SWAP70: variants seen among roughly 807,000 people sequenced by gnomAD.
SWAP70 encodes the protein switch-associated protein 70.
In SWAP70, 34 loss-of-function variants were observed where a neutral mutation model predicts 80.2. That is an observed-to-expected ratio of 0.42 (90% confidence interval 0.32 to 0.56). SWAP70 has a LOEUF of 0.56. Among genes scored for constraint, SWAP70 ranks in the 20% least tolerant of loss-of-function variants. SWAP70 has a pLI of 0.09. For missense variants in SWAP70, 578 were observed against 690.7 expected (o/e 0.84, Z 1.83); for synonymous variants, 239 against 238.5 (o/e 1.00, Z -0.02).
At position 9,752,520 on chromosome 11, in the gene SWAP70, A is replaced by G. The variant is rs967399725; in HGVS notation, c.*2550A>G. On this transcript the variant is annotated 3_prime_UTR_variant, in exon 12 of 12. Transcript: ENST00000318950. ...AAACAGTGCTTTGGCTAAGATAGATACTTGTGAATCAAAGATAGCACAGAA... is the reference window on the plus strand; with the variant it reads ...AAACAGTGCTTTGGCTAAGATAGATGCTTGTGAATCAAAGATAGCACAGAA... 2 of 152,386 alleles carry G rather than the reference A, an allele frequency of 1.3e-5. No homozygotes were observed. The highest frequency in any genetic ancestry group is 1.3e-4 in the Admixed American group (2 of 15,308). The allele number at this position is 152,386 out of a possible 1,614,324, so 9.4% of individuals were successfully genotyped here. A position where few individuals can be genotyped will look rare whatever the true frequency, so the allele number is the denominator to read the frequency against.
chr11:9,673,984 C>G (rs1230471530), intron 1 of SWAP70, among the ~76,000 whole-genome samples: 2 of 152,204 alleles, frequency 1.3e-5, no homozygotes, highest in East Asian at 3.8e-4. Flanking sequence ...ACTGCAACCT[C>G]TGCCTCCTGG....
intron 2 of SWAP70, among the ~76,000 whole-genome samples, chr11:9,708,351 G>A (rs897971580): frequency 7.9e-5 from 12 of 152,148 alleles, no homozygotes; most frequent in Admixed American, 2.6e-4. Context: ...ACAGGTGTGA[G>A]GTGATATCAC....
intron 1 of SWAP70, among the ~76,000 whole-genome samples, chr11:9,685,248 C>A (rs1256786313): frequency 1.3e-5 from 2 of 151,902 alleles, no homozygotes; most frequent in Non-Finnish European, 2.9e-5. Context: ...TTGTGGGTGG[C>A]TCAGAGGAGT....
chr11:9,703,517 A>G (rs1483515245), intron 2 of SWAP70: 1 of 456,056 alleles, frequency 2.2e-6, no homozygotes, highest in Non-Finnish European at 4.4e-6. Context: ...CTTGATTGTC[A>G]CTTCCTCAGG....
chr11:9,674,215 T>G (rs1185286768), intron 1 of SWAP70, among the ~76,000 whole-genome samples: 1 of 152,164 alleles, frequency 6.6e-6, no homozygotes, highest in Non-Finnish European at 1.5e-5. Flanking sequence ...TTCTGTTTTC[T>G]GAGACCTGCT....
chr11:9,703,240 G>A (rs963217131), intron 2 of SWAP70, among the ~76,000 whole-genome samples: 2 of 152,120 alleles, frequency 1.3e-5, no homozygotes, highest in African/African-American at 2.4e-5. Context: ...GTTCATCCAC[G>A]TTGTATCCTA....
At chr11:9,682,969 C>T (rs968303469) in intron 1 of SWAP70, among the ~76,000 whole-genome samples, 1 of 152,184 alleles carries the variant, frequency 6.6e-6, no homozygotes, top group Non-Finnish European at 1.5e-5. Context: ...AGCCACTGTG[C>T]CTGGTCAAAA....
intron 7 of SWAP70, among the ~76,000 whole-genome samples, chr11:9,736,616 C>T (rs1362738298): frequency 6.6e-6 from 1 of 152,060 alleles, no homozygotes; most frequent in Non-Finnish European, 1.5e-5. Flanking sequence ...CTCAGAGGCA[C>T]AGGCTTGGAC....
intron 7 of SWAP70, among the ~76,000 whole-genome samples, chr11:9,734,766 G>A (rs1431183296): frequency 6.6e-6 from 1 of 152,084 alleles, no homozygotes; most frequent in African/African-American, 2.4e-5. Flanking sequence ...GGGACTACAG[G>A]TGTGCACCAC....
At chr11:9,691,702 A>G (rs1357517093) in intron 1 of SWAP70, among the ~76,000 whole-genome samples, 1 of 152,228 alleles carries the variant, frequency 6.6e-6, no homozygotes, top group Non-Finnish European at 1.5e-5. Context: ...AGTTCTTCTC[A>G]GTAACTTTAG....
chr11:9,687,040 A>AT (rs1445253233), intron 1 of SWAP70, among the ~76,000 whole-genome samples: 2 of 152,300 alleles, frequency 1.3e-5, no homozygotes, highest in East Asian at 3.9e-4. Context: ...CATTCTTTTG[A>AT]TTACTAGCAA....
At chr11:9,727,061 T>G in intron 4 of SWAP70, 1 of 430,782 alleles carries the variant, frequency 2.3e-6, no homozygotes, top group Non-Finnish European at 4.6e-6. Context: ...CCTCAGTCAT[T>G]TAACATTTTC....
intron 11 of SWAP70, among the ~76,000 whole-genome samples, chr11:9,749,488 C>T (rs891475455): frequency 3.9e-5 from 6 of 152,156 alleles, no homozygotes; most frequent in African/African-American, 7.2e-5. Context: ...CCTCGTGATC[C>T]GCCCGCCTCA....
chr11:9,692,219 T>A (rs1160884446), intron 1 of SWAP70, among the ~76,000 whole-genome samples: 1 of 210 alleles, frequency 4.8e-3, no homozygotes, highest in African/African-American at 6.2e-3. Context: ...CCACTTAAAA[T>A]ATATATATAT....
chr11:9,742,735 G>T (rs1590048788), intron 9 of SWAP70, among the ~76,000 whole-genome samples: 1 of 152,070 alleles, frequency 6.6e-6, no homozygotes, highest in Non-Finnish European at 1.5e-5. Flanking sequence ...GAGAGGGTTT[G>T]TTCTTTGCTC....
At chr11:9,712,724 G>A (rs920957038) in intron 2 of SWAP70, among the ~76,000 whole-genome samples, 2 of 145,832 alleles carry the variant, frequency 1.4e-5, no homozygotes, top group African/African-American at 5.1e-5. Context: ...CCAAAAGAAG[G>A]TATCTTCTTC....
chr11:9,713,054 T>C (rs1049484577), intron 2 of SWAP70, among the ~76,000 whole-genome samples: 3 of 152,234 alleles, frequency 2.0e-5, no homozygotes, highest in African/African-American at 4.8e-5. Flanking sequence ...TACTGAGTAA[T>C]TGACATTCTC....
intron 3 of SWAP70, among the ~76,000 whole-genome samples, chr11:9,717,961 T>G (rs1851086829): frequency 6.6e-6 from 1 of 152,196 alleles, no homozygotes; most frequent in Non-Finnish European, 1.5e-5. Context: ...CAGCATCAGT[T>G]TTCTGACTAT....
At chr11:9,730,823 T>C (rs2133809609) in intron 6 of SWAP70, among the ~76,000 whole-genome samples, 1 of 152,336 alleles carries the variant, frequency 6.6e-6, no homozygotes, top group South Asian at 2.1e-4. Context: ...TGCAGGTCTG[T>C]TACATGGGTA....
Sources: gnomAD v4.1 joint callset for allele counts (sites outside exome capture counted in the v4.1 genomes callset) on GRCh38, gnomAD v4.1.1 for gene constraint, MANE v1.5 for transcripts, NCBI Gene and HGNC (gene_info 2026-07-23, HGNC 2026-07-21) for gene names.